The following NEK7 variants were observed in gnomAD, a reference collection of about 807,000 sequenced individuals.
NEK7 encodes NIMA related kinase 7, also known as serine/threonine-protein kinase Nek7.
NEK7 carries 18 observed loss-of-function variants against 44.6 expected under a neutral mutation model. The ratio of observed to expected loss-of-function variants is 0.40; its 90% confidence interval spans 0.28 to 0.60. The LOEUF (loss-of-function observed/expected upper bound fraction) is 0.60. Among genes scored for constraint, NEK7 ranks in the 20% least tolerant of loss-of-function variants. NEK7 has a pLI of 0.38. For synonymous variants in NEK7, 130 were observed against 121.1 expected (o/e 1.07, Z -0.48); for missense variants, 256 against 366.5 (o/e 0.70, Z 2.46).
intron 9 of NEK7, among the ~76,000 whole-genome samples, chr1:198,313,882 C>T (rs533950505): frequency 6.6e-6 from 1 of 152,198 alleles, no homozygotes; most frequent in South Asian, 2.1e-4. Context: ...TTTTTTCCTT[C>T]ATTTCAACTT....
chr1:198,170,805 G>A (rs929794544), intron 1 of NEK7, among the ~76,000 whole-genome samples: 2 of 152,098 alleles, frequency 1.3e-5, no homozygotes, highest in Non-Finnish European at 2.9e-5. Context: ...GATGATAATA[G>A]CAATAAAAGC....
intron 9 of NEK7, among the ~76,000 whole-genome samples, chr1:198,302,667 A>G (rs905708997): frequency 6.6e-6 from 1 of 152,192 alleles, no homozygotes; most frequent in African/African-American, 2.4e-5. Flanking sequence ...ATTGGAGAGT[A>G]TAACATATTT....
chr1:198,165,531 A>G (rs1173785830), intron 1 of NEK7, among the ~76,000 whole-genome samples: 1 of 152,228 alleles, frequency 6.6e-6, no homozygotes, highest in East Asian at 1.9e-4. Context: ...ATTAGTAGTC[A>G]TATTTTGAAA....
chr1:198,195,046 G>A (rs751112305), intron 1 of NEK7, among the ~76,000 whole-genome samples: 61 of 152,202 alleles, frequency 4.0e-4, no homozygotes, highest in African/African-American at 1.1e-3. Flanking sequence ...GGTGTGAGAC[G>A]AAGATATTGA....
chr1:198,317,873 A>ATTTT (rs1410887023), intron 9 of NEK7, among the ~76,000 whole-genome samples: 63 of 26,556 alleles, frequency 2.4e-3, no homozygotes, highest in Non-Finnish European at 3.7e-3. Flanking sequence ...TACTGGATAT[A>ATTTT]TTTATTTTTT....
chr1:198,172,108 AAAAC>A (rs1216712711), intron 1 of NEK7, among the ~76,000 whole-genome samples: 4 of 152,220 alleles, frequency 2.6e-5, no homozygotes, highest in African/African-American at 9.6e-5. Context: ...AAAACAAAAC[AAAAC>A]AAACAAAAAC....
Position 198,178,523 on chromosome 1 carries a change from A to G in NEK7, c.-29+21247A>G, listed in dbSNP as rs74994442. ...AATTCTGTAGGAGAATTTTGTGGCT[A>G]GACAAGTTTGGAAAAATCTGCATCG... is the stretch of plus-strand genomic sequence containing the variant. On this transcript the variant is annotated intron_variant, in intron 1 of 9. Coordinates refer to ENST00000367385, the MANE Select transcript of NEK7 (RefSeq NM_133494.3). 1.6e-4 allele frequency among the ~76,000 whole-genome samples: 24 copies of G among 152,218 alleles called. 1 individual carries two copies. The East Asian group carries it at 4.6e-3, about 29-fold the overall frequency.
At chr1:198,191,117 G>A (rs563432981) in intron 1 of NEK7, among the ~76,000 whole-genome samples, 1 of 152,094 alleles carries the variant, frequency 6.6e-6, no homozygotes, top group South Asian at 2.1e-4. Context: ...ATCCCGCTGG[G>A]TCCTGGCAGA....
chr1:198,309,858 G>T (rs1038416596), intron 9 of NEK7, among the ~76,000 whole-genome samples: 1 of 152,132 alleles, frequency 6.6e-6, no homozygotes, highest in Non-Finnish European at 1.5e-5. Flanking sequence ...GGACATTTGG[G>T]TTGGTTCCAA....
chr1:198,279,841 T>G (rs1654139712), intron 7 of NEK7, among the ~76,000 whole-genome samples: 1 of 152,006 alleles, frequency 6.6e-6, no homozygotes, highest in Non-Finnish European at 1.5e-5. Context: ...TCTGGCTTTG[T>G]TACCTAAGGT....
intron 9 of NEK7, among the ~76,000 whole-genome samples, chr1:198,317,412 T>C (rs927576997): frequency 2.0e-5 from 3 of 152,216 alleles, no homozygotes; most frequent in Admixed American, 6.5e-5. Context: ...TCTTTCTCCC[T>C]TTTTGTTATT....
At chr1:198,160,358 A>G (rs567612773) in intron 1 of NEK7, among the ~76,000 whole-genome samples, 4 of 151,854 alleles carry the variant, frequency 2.6e-5, no homozygotes, top group Non-Finnish European at 5.9e-5. Context: ...AAAAATGCAC[A>G]GTGTAGTATT....
At position 198,203,915 on chromosome 1, in the gene NEK7, T is replaced by C. The variant is rs553902415; in HGVS notation, c.-28-28638T>C. On this transcript the variant is annotated intron_variant, in intron 1 of 9. Coordinates refer to ENST00000367385, the MANE Select transcript of NEK7 (RefSeq NM_133494.3). ...GTAAAATATTTTTTCATAGATCCTTTTTGGGAAAGTAGTAGTCTTTGTATT... is the reference window on the plus strand; with the variant it reads ...GTAAAATATTTTTTCATAGATCCTTCTTGGGAAAGTAGTAGTCTTTGTATT... Among the ~76,000 whole-genome samples, 7 of 152,262 alleles carry C rather than the reference T, an allele frequency of 4.6e-5. No individual in the cohort carries two copies. The South Asian group carries it at 1.5e-3, about 32-fold the overall frequency.
At chr1:198,238,757 C>G (rs12047325) in intron 2 of NEK7, among the ~76,000 whole-genome samples, 2 of 152,300 alleles carry the variant, frequency 1.3e-5, no homozygotes, top group East Asian at 3.9e-4. Flanking sequence ...TGTTTGACTC[C>G]AAGCCAATTA....
chr1:198,255,657 C>T (rs945892019), intron 3 of NEK7, among the ~76,000 whole-genome samples: 4 of 152,102 alleles, frequency 2.6e-5, no homozygotes, highest in Non-Finnish European at 5.9e-5. Context: ...CTCTGTTTTA[C>T]GCTGTGATAA....
intron 1 of NEK7, among the ~76,000 whole-genome samples, chr1:198,219,470 G>T (rs1322586963): frequency 6.6e-6 from 1 of 151,212 alleles, no homozygotes; most frequent in Non-Finnish European, 1.5e-5. Flanking sequence ...ACCAAATACT[G>T]CATGTTCTTA....
At chr1:198,206,528 T>C (rs1245579185) in intron 1 of NEK7, among the ~76,000 whole-genome samples, 3 of 152,186 alleles carry the variant, frequency 2.0e-5, no homozygotes, top group East Asian at 3.8e-4. Context: ...TTAGTGATGC[T>C]GCAGTGTAAA....
chr1:198,268,998 G>A (rs968905403), intron 5 of NEK7, among the ~76,000 whole-genome samples: 2 of 152,090 alleles, frequency 1.3e-5, no homozygotes, highest in Non-Finnish European at 2.9e-5. Flanking sequence ...GACTCGTAGA[G>A]TACTTTATGG....
chr1:198,203,479 A>G (rs1047583994), intron 1 of NEK7, among the ~76,000 whole-genome samples: 6 of 152,216 alleles, frequency 3.9e-5, no homozygotes, highest in African/African-American at 1.4e-4. Context: ...CATTAAGACA[A>G]ACACACAAGA....
Sources: allele counts gnomAD v4.1 joint callset (sites outside exome capture counted in the v4.1 genomes callset), GRCh38; gene constraint gnomAD v4.1.1; transcripts MANE v1.5; gene names NCBI Gene and HGNC (gene_info 2026-07-23, HGNC 2026-07-21).